Variants in CHRNA6 observed in about 807,000 individuals in gnomAD.
The protein encoded by CHRNA6 is cholinergic receptor nicotinic alpha 6 subunit, also known as neuronal acetylcholine receptor subunit alpha-6.
A neutral mutation model predicts 40.9 loss-of-function variants in CHRNA6; 31 were observed. The observed-to-expected ratio is 0.76, with a 90% CI of 0.57 to 1.02. The LOEUF (loss-of-function observed/expected upper bound fraction) is 1.02. Among genes scored for constraint, CHRNA6 ranks in the 50% least tolerant of loss-of-function variants. The pLI, the probability that CHRNA6 is intolerant of heterozygous loss-of-function variation, is 0.00. For missense variants in CHRNA6, 546 were observed against 596.6 expected (o/e 0.92, Z 0.88); for synonymous variants, 222 against 221.3 (o/e 1.00, Z -0.03).
At position 42,756,912 on chromosome 8, in the gene CHRNA6, G is replaced by A; in HGVS notation, c.374+16C>T. 2.5e-6 allele frequency: 4 copies of A among 1,610,290 alleles called. No individual in the cohort carries two copies. Among genetic ancestry groups the A allele is most frequent in the African/African-American group, 1.3e-5 (1 of 74,926 alleles). ...AGCAGCTTTGGAAAGAGGCTACGGT[G>A]GTCAGAGACCCATACTTGTTATAGA... On this transcript the variant is annotated intron_variant, in intron 4 of 5. Coordinates refer to ENST00000276410, the MANE Select transcript of CHRNA6 (RefSeq NM_004198.3).
At chr8:42,765,818 G>A (rs2128912679) in intron 1 of CHRNA6, among the ~76,000 whole-genome samples, 1 of 152,322 alleles carries the variant, frequency 6.6e-6, no homozygotes. Context: ...AAGAAAAAAA[G>A]CTCAACAACA....
chr8:42,753,903 C>T (rs1444449351), intron 5 of CHRNA6, among the ~76,000 whole-genome samples: 1 of 152,102 alleles, frequency 6.6e-6, no homozygotes, highest in Non-Finnish European at 1.5e-5. Flanking sequence ...GAGCTAGACT[C>T]ATTCTTTGCA....
rs1011951746 is a variant in CHRNA6, at chr8:42,768,754, G to A, written c.-324C>T. On this transcript the variant is annotated 5_prime_UTR_variant, in exon 1 of 6. Coordinates refer to ENST00000276410, the MANE Select transcript of CHRNA6 (RefSeq NM_004198.3). ...TGCTGGGGCAGACAGGACCCCGGGAGGATGAACACCTGTGAGTGGCTGAGA... is the reference window on the plus strand; with the variant it reads ...TGCTGGGGCAGACAGGACCCCGGGAAGATGAACACCTGTGAGTGGCTGAGA... 10 of 233,998 alleles carry A rather than the reference G, an allele frequency of 4.3e-5. No homozygotes were observed. Among genetic ancestry groups the A allele is most frequent in the African/African-American group, 2.0e-4 (9 of 45,192 alleles). 14.5% of individuals were successfully genotyped at this position (233,998 alleles called of 1,614,324 possible).
intron 2 of CHRNA6, 72 bp from the exon 3 acceptor site, chr8:42,759,185 C>T (rs926157082): frequency 2.5e-6 from 3 of 1,208,544 alleles, no homozygotes; most frequent in South Asian, 2.4e-5. Flanking sequence ...GCAAAAATTA[C>T]AACTAAAAAG....
At chr8:42,754,363 TC>T (rs1342582407) in intron 5 of CHRNA6, among the ~76,000 whole-genome samples, 1 of 152,016 alleles carries the variant, frequency 6.6e-6, no homozygotes, top group Non-Finnish European at 1.5e-5. Context: ...AGAAATAAGG[TC>T]TCAATATGTT....
At chr8:42,762,933 T>C (rs1330316312) in intron 2 of CHRNA6, among the ~76,000 whole-genome samples, 1 of 152,180 alleles carries the variant, frequency 6.6e-6, no homozygotes, top group Non-Finnish European at 1.5e-5. Flanking sequence ...TGTCAATCTA[T>C]AATGATCTCA....
chr8:42,759,117 G>C lies in CHRNA6; in HGVS notation c.220-4C>G. 6.2e-7 allele frequency: 1 copy of C among 1,611,940 alleles called. No individual in the cohort carries two copies. The highest frequency in any genetic ancestry group is 8.5e-7 in the Non-Finnish European group (1 of 1,178,054). ...CCATGATCTGGTTTACTTCATCCTGGGAAGAAGAAATAATACTTTTAGCCT... is the reference window on the plus strand; with the variant it reads ...CCATGATCTGGTTTACTTCATCCTGCGAAGAAGAAATAATACTTTTAGCCT... On this transcript the variant is annotated splice_polypyrimidine_tract_variant and splice_region_variant and intron_variant, in intron 2 of 5. Transcript: ENST00000276410.
rs1816792795 is a variant in CHRNA6 at position 42,755,970 on chromosome 8, C to T, written c.1229G>A (p.Arg410Lys). 1 of 1,614,128 alleles carries T rather than the reference C, an allele frequency of 6.2e-7. No individual in the cohort carries two copies. Among genetic ancestry groups the T allele is most frequent in the South Asian group, 1.1e-5 (1 of 91,090 alleles). The change falls in exon 5 of 6, where the codon AGA (arginine) becomes AAA (lysine). Residue 410 changes from arginine (R) to lysine (K), a missense_variant. Arg to Lys is a conservative substitution (Grantham distance 26). This residue lies in a region of CHRNA6 where 5 missense variants were observed against 18.4 expected (regional missense o/e 0.27). Coordinates refer to ENST00000276410, the MANE Select transcript of CHRNA6 (RefSeq NM_004198.3). ...CCACTGTAATGGCTGATGACTTAAT[C>T]TTCTCTTGCTTGTGGCAAGCTCATT... is the stretch of plus-strand genomic sequence containing the variant. Reference protein sequence around the residue: ...KSNELATSKRRLSHQPLQWVV... With the variant: ...KSNELATSKRKLSHQPLQWVV...
chr8:42,752,629 T>C lies in CHRNA6; in HGVS notation c.*550A>G, dbSNP rs1480835069. The C allele has an allele frequency of 6.8e-6, 1 of 147,824 alleles. No homozygotes were observed. Among genetic ancestry groups the C allele is most frequent in the Non-Finnish European group, 1.5e-5 (1 of 67,154 alleles). The allele number at this position is 147,824 out of a possible 1,614,324, so 9.2% of individuals were successfully genotyped here. On this transcript the variant is annotated 3_prime_UTR_variant, in exon 6 of 6. Transcript: ENST00000276410. ...ACACCTGACCAAACTGTTTTTTTTT[T>C]TTTTTTTTTAAAACTAACAATCAGT...
At chr8:42,764,939 A>G (rs780018387) in intron 2 of CHRNA6, 126 bp downstream of exon 2, 27 of 1,052,684 alleles carry the variant, frequency 2.6e-5, no homozygotes, top group East Asian at 1.8e-4. Flanking sequence ...CTGCCTCCCA[A>G]ATGGATGGCT....
intron 1 of CHRNA6, among the ~76,000 whole-genome samples, chr8:42,766,333 A>G (rs903542348): frequency 1.3e-5 from 2 of 152,126 alleles, no homozygotes; most frequent in Admixed American, 1.3e-4. Context: ...CCTACCAAAA[A>G]TACAAAAACT....
At chr8:42,763,436 C>A (rs1369071438) in intron 2 of CHRNA6, among the ~76,000 whole-genome samples, 1 of 152,198 alleles carries the variant, frequency 6.6e-6, no homozygotes. Context: ...CTCTTAATCT[C>A]TGATACTTGC....
chr8:42,761,649 C>T (rs1449894120), intron 2 of CHRNA6, among the ~76,000 whole-genome samples: 3 of 152,318 alleles, frequency 2.0e-5, no homozygotes, highest in African/African-American at 7.2e-5. Flanking sequence ...TGGAGCAGGA[C>T]CTGTCTGGCA....
intron 5 of CHRNA6, 126 bp from the exon 6 acceptor site, chr8:42,753,436 C>T (rs7812298): frequency 0.24 from 211,410 of 872,060 alleles, 33,809 homozygotes; most frequent in African/African-American, 0.73. Context: ...AAGCAAATAT[C>T]AGCTGGGTGG....
chr8:42,764,074 T>G (rs1348391687), intron 2 of CHRNA6, among the ~76,000 whole-genome samples: 1 of 152,122 alleles, frequency 6.6e-6, no homozygotes, highest in Non-Finnish European at 1.5e-5. Context: ...AGACCTTCCT[T>G]GCTTCCTAAG....
intron 2 of CHRNA6, among the ~76,000 whole-genome samples, chr8:42,762,254 T>C (rs1376468198): frequency 6.6e-6 from 1 of 152,238 alleles, no homozygotes; most frequent in Non-Finnish European, 1.5e-5. Flanking sequence ...TGGAGGTTTA[T>C]ATTTACACTA....
At chr8:42,760,338 G>T (rs1028050196) in intron 2 of CHRNA6, among the ~76,000 whole-genome samples, 1 of 147,038 alleles carries the variant, frequency 6.8e-6, no homozygotes, top group Non-Finnish European at 1.5e-5. Flanking sequence ...ACACTCATGC[G>T]CACACACACT....
rs1816748893 is a variant in CHRNA6, at chr8:42,753,312, T to G, written c.1354-2A>C. ...CACGTATTTCCAGTCATCTTCTACC[T>G]GAAATGCAAACAAAAATTAAGAGCT... On this transcript the variant is annotated splice_acceptor_variant, in intron 5 of 5. Transcript: ENST00000276410. LOFTEE classifies it high-confidence loss of function. 6.3e-7 allele frequency: 1 copy of G among 1,597,636 alleles called. No individual in the cohort carries two copies. Among genetic ancestry groups the G allele is most frequent in the Admixed American group, 1.8e-5 (1 of 54,118 alleles).
At chr8:42,765,369 C>T (rs1020070369) in intron 1 of CHRNA6, among the ~76,000 whole-genome samples, 165 bp from the exon 2 acceptor site, 3 of 152,208 alleles carry the variant, frequency 2.0e-5, no homozygotes, top group African/African-American at 7.2e-5. Flanking sequence ...CCCATCTCAC[C>T]CCACCCTCTG....
Sources: gnomAD v4.1 joint callset for allele counts (sites outside exome capture counted in the v4.1 genomes callset) on GRCh38, gnomAD v4.1.1 for gene constraint, gnomAD v4.1.1 regional missense constraint, MANE v1.5 for transcripts, NCBI Gene and HGNC (gene_info 2026-07-23, HGNC 2026-07-21) for gene names.